PHACTR1: variants seen among roughly 807,000 people sequenced by gnomAD.
PHACTR1 encodes the protein RPEL repeat containing 1.
Under a neutral mutation model 69.2 loss-of-function variants are expected in PHACTR1, and 16 were observed. The ratio of observed to expected loss-of-function variants is 0.23; its 90% CI spans 0.16 to 0.35. The LOEUF is 0.35. PHACTR1 is among the 10% of genes least tolerant of loss of function. The pLI is 1.00. For synonymous variants in PHACTR1, 312 were observed against 284.5 expected, an observed-to-expected ratio of 1.10 and a Z score of -0.97; for missense variants, 510 against 734.7, an observed-to-expected ratio of 0.69 and a Z score of 3.54.
intron 7 of PHACTR1, 59 bp from the exon 8 acceptor site, chr6:13,205,754 TTC>T: frequency 2.7e-6 from 4 of 1,467,280 alleles, no homozygotes; most frequent in Non-Finnish European, 3.7e-6. Flanking sequence ...GCATCTGGTG[TTC>T]TGAGTTTCTT....
intron 4 of PHACTR1, among the ~76,000 whole-genome samples, chr6:13,028,891 A>T (rs1802058264): frequency 6.6e-6 from 1 of 152,186 alleles, no homozygotes; most frequent in African/African-American, 2.4e-5. Context: ...CTTTGTATGA[A>T]GAGGCTGGTT....
At chr6:12,865,950 C>T (rs1781409960) in intron 4 of PHACTR1, among the ~76,000 whole-genome samples, 3 of 152,250 alleles carry the variant, frequency 2.0e-5, no homozygotes, top group South Asian at 4.1e-4. Flanking sequence ...TTGTCTTTTC[C>T]CTCCTCCCTC....
At chr6:12,834,439 A>G (rs146203581) in intron 4 of PHACTR1, among the ~76,000 whole-genome samples, 2 of 152,314 alleles carry the variant, frequency 1.3e-5, no homozygotes, top group African/African-American at 4.8e-5. Context: ...AAGTAGGTTT[A>G]AAATGATAAA....
At chr6:12,784,991 C>G (rs937910125) in intron 4 of PHACTR1, among the ~76,000 whole-genome samples, 2 of 151,650 alleles carry the variant, frequency 1.3e-5, no homozygotes, top group African/African-American at 2.4e-5. Flanking sequence ...TTACAGGTGT[C>G]AGCCACCGAG....
At chr6:13,141,428 G>T (rs551867923) in intron 5 of PHACTR1, among the ~76,000 whole-genome samples, 1 of 152,160 alleles carries the variant, frequency 6.6e-6, no homozygotes, top group African/African-American at 2.4e-5. Flanking sequence ...GTGAATTAAG[G>T]ATTGCCTGTT....
intron 6 of PHACTR1, among the ~76,000 whole-genome samples, chr6:13,168,596 T>C (rs749792209): frequency 1.3e-5 from 2 of 152,076 alleles, no homozygotes; most frequent in Non-Finnish European, 2.9e-5. Context: ...GCAGTTACAA[T>C]GGAGAAAGGA....
intron 4 of PHACTR1, among the ~76,000 whole-genome samples, chr6:12,850,616 A>C (rs1779734156): frequency 6.6e-6 from 1 of 152,188 alleles, no homozygotes; most frequent in Admixed American, 6.5e-5. Context: ...GCTTAAAATC[A>C]TAGAAATGTA....
intron 5 of PHACTR1, among the ~76,000 whole-genome samples, chr6:13,082,627 A>C (rs899534701): frequency 4.6e-5 from 7 of 152,150 alleles, no homozygotes; most frequent in Non-Finnish European, 5.9e-5. Flanking sequence ...CTGACTTATT[A>C]ATGATCGCCA....
At chr6:12,868,141 T>C (rs574590076) in intron 4 of PHACTR1, among the ~76,000 whole-genome samples, 1 of 151,568 alleles carries the variant, frequency 6.6e-6, no homozygotes, top group Non-Finnish European at 1.5e-5. Context: ...CCTATAATCC[T>C]AGCTACTCAG....
chr6:13,194,143 G>A (rs181105260), intron 7 of PHACTR1, among the ~76,000 whole-genome samples: 11 of 152,290 alleles, frequency 7.2e-5, no homozygotes, highest in East Asian at 3.9e-4. Context: ...GATGGCTCAC[G>A]CCTGTAATCC....
At chr6:12,947,159 T>C (rs748157699) in intron 4 of PHACTR1, among the ~76,000 whole-genome samples, 7 of 151,984 alleles carry the variant, frequency 4.6e-5, no homozygotes, top group Non-Finnish European at 1.0e-4. Flanking sequence ...TATAATTTTG[T>C]AACATTCCAA....
At position 13,012,386 on chromosome 6, in the gene PHACTR1, C is replaced by A. The variant is rs142090003; in HGVS notation, c.251-40979C>A. ...CTGCCTTTTGTGGAAGAGGCAGTGACAGGGAATTGTGAAATTAGCTTTGAG... is the reference window on the plus strand; with the variant it reads ...CTGCCTTTTGTGGAAGAGGCAGTGAAAGGGAATTGTGAAATTAGCTTTGAG... On this transcript the variant is annotated intron_variant, in intron 4 of 14. Coordinates refer to ENST00000332995, the MANE Select transcript of PHACTR1 (RefSeq NM_030948.6). Among the ~76,000 whole-genome samples the A allele has an allele frequency of 5.1e-3, 774 of 152,292 alleles. 5 individuals carry two copies. Among genetic ancestry groups the A allele is most frequent in the African/African-American group, 0.018 (741 of 41,546 alleles).
At chr6:13,027,077 T>G (rs1801798732) in intron 4 of PHACTR1, among the ~76,000 whole-genome samples, 1 of 152,140 alleles carries the variant, frequency 6.6e-6, no homozygotes, top group South Asian at 2.1e-4. Context: ...AATGAACAGC[T>G]GGGTCTATGA....
intron 4 of PHACTR1, among the ~76,000 whole-genome samples, chr6:13,013,102 T>A (rs1472142506): frequency 6.6e-6 from 1 of 152,226 alleles, no homozygotes; most frequent in Non-Finnish European, 1.5e-5. Context: ...CCTTTGGAAA[T>A]CCTGGTAGAT....
At chr6:12,998,819 A>G (rs1358725315) in intron 4 of PHACTR1, among the ~76,000 whole-genome samples, 1 of 152,186 alleles carries the variant, frequency 6.6e-6, no homozygotes, top group African/African-American at 2.4e-5. Flanking sequence ...TCAATGAGAA[A>G]AAAAAATCAA....
At chr6:13,162,419 G>A (rs1038645259) in intron 6 of PHACTR1, among the ~76,000 whole-genome samples, 5 of 151,676 alleles carry the variant, frequency 3.3e-5, no homozygotes, top group Non-Finnish European at 5.9e-5. Flanking sequence ...GAGCCACCGC[G>A]CCCGGCCCCT....
rs1778776351 is a variant in PHACTR1 at position 13,275,817 on chromosome 6, C to A, written c.1448-2451C>A. On this transcript the variant is annotated intron_variant, in intron 11 of 14. Transcript: ENST00000332995. This position sits in a 1 kb window ranked among gnomAD's most constrained non-coding sequence, Gnocchi z 4.0. ...TGTCCCTGGTGACCCAACATCCAGA[C>A]CACCTTTTCTTCCATCCGTTTTCCC... 1 of 152,172 alleles carries A rather than the reference C, an allele frequency of 6.6e-6. No homozygotes were observed. The highest frequency in any genetic ancestry group is 2.1e-4 in the South Asian group (1 of 4,834). The allele number at this position is 152,172 out of a possible 1,614,324, so 9.4% of individuals were successfully genotyped here.
chr6:12,981,396 C>T (rs1795511670), intron 4 of PHACTR1, among the ~76,000 whole-genome samples: 1 of 152,198 alleles, frequency 6.6e-6, no homozygotes, highest in South Asian at 2.1e-4. Context: ...ATTCTGATTA[C>T]TACCATGAAT....
In PHACTR1 at chr6:13,179,703, GATAGAT is replaced by G. The variant is rs1158493048; in HGVS notation, c.497-2814_497-2809del. Among the ~76,000 whole-genome samples the G allele has an allele frequency of 2.9e-4, 1 of 3,412 alleles. No individual in the cohort carries two copies. The highest frequency in any genetic ancestry group is 7.6e-3 in the Non-Finnish European group (1 of 132). 2.2% of individuals were successfully genotyped at this position (3,412 alleles called of 152,430 possible). A position where few individuals can be genotyped will look rare whatever the true frequency, so the allele number is the denominator to read the frequency against. On this transcript the variant is annotated intron_variant, in intron 6 of 14. Coordinates refer to ENST00000332995, the MANE Select transcript of PHACTR1 (RefSeq NM_030948.6). This position sits in a 1 kb window ranked among gnomAD's most constrained non-coding sequence, Gnocchi z 4.2. The stretch of plus-strand genomic sequence containing the variant: ...GTAGGTAGATAGATAAGTAGATAGA[GATAGAT>G]AGATAGATAGATAGATAGATAGATA...
Sources: gnomAD v4.1 joint callset for allele counts (sites outside exome capture counted in the v4.1 genomes callset) on GRCh38, gnomAD v4.1.1 for gene constraint, Gnocchi (gnomAD v3.1) non-coding constraint, MANE v1.5 for transcripts, NCBI Gene and HGNC (gene_info 2026-07-23, HGNC 2026-07-21) for gene names.